RNF207: variants seen among roughly 807,000 people sequenced by gnomAD.
RNF207 encodes the protein ring finger protein 207, also known as OTTHUMG00000001089.
RNF207 carries 72 observed loss-of-function variants against 79.0 expected under a neutral mutation model. That is an observed-to-expected ratio of 0.91 (90% CI 0.75 to 1.11). The LOEUF is 1.11. Among genes scored for constraint, RNF207 ranks in the 50% least tolerant of loss-of-function variants. The pLI, the probability that RNF207 is intolerant of heterozygous loss-of-function variation, is 0.00. For missense variants in RNF207, 936 were observed against 855.8 expected (o/e 1.09, Z -1.17); for synonymous variants, 348 against 366.2 (o/e 0.95, Z 0.57).
rs772133758 is a variant in RNF207 at position 6,210,457 on chromosome 1, T to C, written c.942+19T>C. The C allele has an allele frequency of 2.5e-6, 4 of 1,597,976 alleles. No homozygotes were observed. The East Asian group carries it at 6.7e-5, about 27-fold the overall frequency. ...GGGCTATGTGAGTCTCCTCTGCTCC[T>C]GCAGATGCCCCCTCCCCACCAGGAG... On this transcript the variant is annotated intron_variant, in intron 10 of 17. Transcript: ENST00000377939.
Position 6,207,096 on chromosome 1 carries a change from T to C in RNF207, c.192-283T>C, listed in dbSNP as rs1447404729. Among the ~76,000 whole-genome samples the C allele has an allele frequency of 6.6e-6, 1 of 152,028 alleles. No individual in the cohort carries two copies. The highest frequency in any genetic ancestry group is 1.9e-4 in the East Asian group (1 of 5,178). The stretch of plus-strand genomic sequence containing the variant: ...TATGTGGGCTCAAGGAACCCAGGAG[T>C]GGCTCTGATTTGCCCAATGCCGTGA... On this transcript the variant is annotated intron_variant, in intron 2 of 17. Coordinates refer to ENST00000377939, the MANE Select transcript of RNF207 (RefSeq NM_207396.3). This position sits in a 1 kb window ranked among gnomAD's most constrained non-coding sequence, Gnocchi z 4.5.
Position 6,219,443 on chromosome 1 carries a change from G to A in RNF207, c.*36G>A. The A allele has an allele frequency of 1.3e-6, 2 of 1,502,344 alleles. No homozygotes were observed. Among genetic ancestry groups the A allele is most frequent in the Non-Finnish European group, 1.8e-6 (2 of 1,102,154 alleles). 93.1% of individuals were successfully genotyped at this position (1,502,344 alleles called of 1,614,324 possible). ...CGGTCCCCAGGGTCAGGCTCTTAGAGCAGGCACAAGACTGGGACACTGGAC... is the reference window on the plus strand; with the variant it reads ...CGGTCCCCAGGGTCAGGCTCTTAGAACAGGCACAAGACTGGGACACTGGAC... On this transcript the variant is annotated 3_prime_UTR_variant, in exon 18 of 18. Transcript: ENST00000377939.
In RNF207 at chr1:6,211,035, C is replaced by A. The variant is rs765976590; in HGVS notation, c.1026C>A (p.His342Gln). The A allele has an allele frequency of 3.7e-6, 6 of 1,609,686 alleles. No homozygotes were observed. Among genetic ancestry groups the A allele is most frequent in the Non-Finnish European group, 5.1e-6 (6 of 1,179,020 alleles). Residue 342 changes from histidine (H) to glutamine (Q), a missense_variant, in exon 12 of 18, where the codon CAC becomes CAA. By Grantham distance (24) the His-to-Gln change is conservative. Transcript: ENST00000377939. The surrounding 1 kb of genome is among the most constrained non-coding windows in gnomAD (Gnocchi z 4.2). ...CCGCTGCCCAGATTGCCAGTGACCA[C>A]CGAGCTGAATTCGCGCGCTGTCTGG... Reference protein sequence around the residue: ...PIQSSKIASDHRAEFARCLEP... With the variant: ...PIQSSKIASDQRAEFARCLEP...
Position 6,218,195 on chromosome 1 carries a change from T to C in RNF207, c.1653-94T>C, listed in dbSNP as rs1668425256. ...ATGAAACGCTAGGTGGGTGCATGAG[T>C]GGTGGCAGAGTCTGGTTCTGAGGTT... On this transcript the variant is annotated intron_variant, in intron 16 of 17. Coordinates refer to ENST00000377939, the MANE Select transcript of RNF207 (RefSeq NM_207396.3). The C allele has an allele frequency of 2.8e-5, 22 of 796,634 alleles. 1 individual carries two copies. The highest frequency in any genetic ancestry group is 5.1e-4 in the Middle Eastern group (2 of 3,890). 49.3% of individuals were successfully genotyped at this position (796,634 alleles called of 1,614,324 possible).
At position 6,217,793 on chromosome 1, in the gene RNF207, G is replaced by A. The variant is rs919192750; in HGVS notation, c.1653-496G>A. Among the ~76,000 whole-genome samples the A allele has an allele frequency of 1.3e-5, 2 of 152,236 alleles. 1 individual carries two copies. Among genetic ancestry groups the A allele is most frequent in the South Asian group, 4.2e-4 (2 of 4,810 alleles). On this transcript the variant is annotated intron_variant, in intron 16 of 17. Transcript: ENST00000377939. This position sits in a 1 kb window ranked among gnomAD's most constrained non-coding sequence, Gnocchi z 4.2. ...AGAAGTCTATGATTCCCATCACCGC[G>A]GGGCTGGACAGCTCTCTTGGGGACC... is the stretch of plus-strand genomic sequence containing the variant.
At position 6,210,229 on chromosome 1, in the gene RNF207, C is replaced by T. The variant is rs1270922702; in HGVS notation, c.807C>T (p.Tyr269=). The T allele has an allele frequency of 8.7e-6, 14 of 1,613,550 alleles. No homozygotes were observed. The highest frequency in any genetic ancestry group is 1.1e-5 in the Non-Finnish European group (13 of 1,179,720). ...GGCAGCCCCCCTCCCCCAGCCAATA[C>T]GAAGAGAAGGACAAGGCCTTCAAGG... ...ALLLQAVQSQ[Y]EEKDKAFKEQ... The change falls in exon 9 of 18, where the codon TAC becomes TAT. Residue 269 remains tyrosine, a synonymous_variant. Coordinates refer to ENST00000377939, the MANE Select transcript of RNF207 (RefSeq NM_207396.3).
rs552026470 is a variant in RNF207, at chr1:6,206,864, G to T, written c.191+138G>T. ...AGAACGACTGGGAGATACTGCACCC[G>T]GTCCTTAGCTCTCCCCGCCAGAAGT... is the stretch of plus-strand genomic sequence containing the variant. On this transcript the variant is annotated intron_variant, in intron 2 of 17. Transcript: ENST00000377939. The T allele has an allele frequency of 5.2e-4, 348 of 669,446 alleles. 1 individual carries two copies. In the African/African-American group the frequency reaches 5.4e-3, roughly 10 times the overall value. The allele number at this position is 669,446 out of a possible 1,614,324, so 41.5% of individuals were successfully genotyped here.
rs574811541 is a variant in RNF207 at position 6,217,519 on chromosome 1, C to T, written c.1653-770C>T. On this transcript the variant is annotated intron_variant, in intron 16 of 17. Coordinates refer to ENST00000377939, the MANE Select transcript of RNF207 (RefSeq NM_207396.3). The surrounding 1 kb of genome is among the most constrained non-coding windows in gnomAD (Gnocchi z 4.2). The stretch of plus-strand genomic sequence containing the variant: ...GTTCAGCAGTGGCCAGAATGCTTGA[C>T]GTCCTCCCGCAGACATGCTATTCCC... Among the ~76,000 whole-genome samples, 1 of 152,324 alleles carries T rather than the reference C, an allele frequency of 6.6e-6. No homozygotes were observed. The highest frequency in any genetic ancestry group is 1.9e-4 in the East Asian group (1 of 5,190).
chr1:6,214,609 G>T (rs1668295425), intron 16 of RNF207, among the ~76,000 whole-genome samples: 1 of 144,142 alleles, frequency 6.9e-6, no homozygotes, highest in African/African-American at 2.7e-5. Context: ...TGCCAAGTTG[G>T]CCAGGCTGGA....
In RNF207 at chr1:6,212,078, G is replaced by GT. The variant is rs754705609; in HGVS notation, c.1296+25_1296+26insT. ...GGTGAGGGGGCAGGGATCTGCCGGA[G>GT]GGGGGAGATGTCCTAACCCACTCCT... is the stretch of plus-strand genomic sequence containing the variant. On this transcript the variant is annotated intron_variant, in intron 13 of 17. Coordinates refer to ENST00000377939, the MANE Select transcript of RNF207 (RefSeq NM_207396.3). 4.8e-5 allele frequency: 75 copies of GT among 1,547,498 alleles called. 3 individuals are homozygous for GT. In the South Asian group the frequency reaches 7.1e-4, roughly 15 times the overall value.
intron 16 of RNF207, 103 bp from the exon 17 acceptor site, chr1:6,218,186 G>A: frequency 1.3e-6 from 1 of 749,686 alleles, no homozygotes; most frequent in Non-Finnish European, 2.3e-6. Flanking sequence ...CGCTAGGTGG[G>A]TGCATGAGTG....
At position 6,209,931 on chromosome 1, in the gene RNF207, T is replaced by C. The variant is rs1401266943; in HGVS notation, c.761T>C (p.Leu254Pro). The C allele has an allele frequency of 6.3e-7, 1 of 1,591,312 alleles. No homozygotes were observed. The highest frequency in any genetic ancestry group is 2.2e-5 in the East Asian group (1 of 44,574). ...HALFGSMQDR[L>P]AERKALLLQA... ...GCTCGCCATCTCTCCCAGGACAGGC[T>C]GGCAGAGAGGAAAGCGCTGCTGCTG... Residue 254 changes from leucine to proline, a missense_variant, in exon 8 of 18, where the codon CTG becomes CCG. By Grantham distance (98) the Leu-to-Pro change is moderately conservative. Coordinates refer to ENST00000377939, the MANE Select transcript of RNF207 (RefSeq NM_207396.3).
intron 1 of RNF207, 84 bp from the exon 2 acceptor site, chr1:6,206,452 C>G (rs1667902862): frequency 1.9e-6 from 2 of 1,033,170 alleles, no homozygotes; most frequent in Non-Finnish European, 1.4e-6. Flanking sequence ...ATAGGGAGGG[C>G]GCGGGCGCCC....
rs1668387733 is a variant in RNF207, at chr1:6,217,132, A to G, written c.1653-1157A>G. 6.6e-6 allele frequency among the ~76,000 whole-genome samples: 1 copy of G among 152,112 alleles called. No homozygotes were observed. Among genetic ancestry groups the G allele is most frequent in the South Asian group, 2.1e-4 (1 of 4,826 alleles). ...GATCCTCCCACCTCAGCCTTCCAAA[A>G]TGCTGGGATTATAGACGTGACCGTG... On this transcript the variant is annotated intron_variant, in intron 16 of 17. Coordinates refer to ENST00000377939, the MANE Select transcript of RNF207 (RefSeq NM_207396.3). The surrounding 1 kb of genome is among the most constrained non-coding windows in gnomAD (Gnocchi z 4.2).
In RNF207 at chr1:6,206,622, C is replaced by CG; in HGVS notation, c.88dup (p.Val30GlyfsTer73). The CG allele has an allele frequency of 6.2e-7, 1 of 1,607,754 alleles. No homozygotes were observed. On this transcript the variant is annotated frameshift_variant, in exon 2 of 18. Coordinates refer to ENST00000377939, the MANE Select transcript of RNF207 (RefSeq NM_207396.3). LOFTEE classifies it high-confidence loss of function. ...ACCCGCTGGTGTGCCCGCTGTGCCA[C>CG]GTGCAGTACGAGCGCCCGTGTCTTC... is the stretch of plus-strand genomic sequence containing the variant.
At position 6,220,943 on chromosome 1, in the gene RNF207, C is replaced by T. The variant is rs1668528830; in HGVS notation, c.*1536C>T. ...ATGGCAGCACATTCAACACATAACA[C>T]ATCACTCACATTGACGTCCACTGTC... On this transcript the variant is annotated 3_prime_UTR_variant, in exon 18 of 18. Transcript: ENST00000377939. The T allele has an allele frequency of 6.6e-6, 1 of 152,234 alleles. No homozygotes were observed. Among genetic ancestry groups the T allele is most frequent in the African/African-American group, 2.4e-5 (1 of 41,448 alleles). The allele number at this position is 152,234 out of a possible 1,614,324, so 9.4% of individuals were successfully genotyped here.
Position 6,214,250 on chromosome 1 carries a change from C to T in RNF207, c.1652+1067C>T, listed in dbSNP as rs529003527. On this transcript the variant is annotated intron_variant, in intron 16 of 17. Transcript: ENST00000377939. ...AGACTCCTAACCCTTGTAATGCGAC[C>T]TACTAATTCTCTGTGGAAGCTTGTA... Among the ~76,000 whole-genome samples, 23 of 152,256 alleles carry T rather than the reference C, an allele frequency of 1.5e-4. 1 individual carries two copies. Among genetic ancestry groups the T allele is most frequent in the African/African-American group, 5.5e-4 (23 of 41,540 alleles).
At position 6,207,454 on chromosome 1, in the gene RNF207, A is replaced by G. The variant is rs1221039861; in HGVS notation, c.267A>G (p.Ser89=). 3 of 1,571,084 alleles carry G rather than the reference A, an allele frequency of 1.9e-6. No homozygotes were observed. Among genetic ancestry groups the G allele is most frequent in the African/African-American group, 1.3e-5 (1 of 74,312 alleles). ...TGCTGCAGTTCCTGGTGGACAGCTC[A>G]GGGGATGGCGTGGAGGCGGTGCGCT... ...DRLLQFLVDS[S]GDGVEAVRCA... Residue 89 remains serine (S), a synonymous_variant, in exon 3 of 18, where the codon TCA becomes TCG. Coordinates refer to ENST00000377939, the MANE Select transcript of RNF207 (RefSeq NM_207396.3). The surrounding 1 kb of genome is among the most constrained non-coding windows in gnomAD (Gnocchi z 4.5).
chr1:6,210,197 G>A lies in RNF207; in HGVS notation c.801-26G>A, dbSNP rs201640092. On this transcript the variant is annotated intron_variant, in intron 8 of 17. Coordinates refer to ENST00000377939, the MANE Select transcript of RNF207 (RefSeq NM_207396.3). ...GCCCGGCCCTGCTCCTGGCCCCCTGGAAACCAGGCAGCCCCCCTCCCCCAG... is the reference window on the plus strand; with the variant it reads ...GCCCGGCCCTGCTCCTGGCCCCCTGAAAACCAGGCAGCCCCCCTCCCCCAG... 1.0e-4 allele frequency: 162 copies of A among 1,604,170 alleles called. 2 individuals are homozygous for A. In the Middle Eastern group the frequency reaches 1.8e-3, roughly 18 times the overall value.
Sources: allele counts gnomAD v4.1 joint callset (sites outside exome capture counted in the v4.1 genomes callset), GRCh38; gene constraint gnomAD v4.1.1; non-coding constraint Gnocchi (gnomAD v3.1); transcripts MANE v1.5; gene names NCBI Gene and HGNC (gene_info 2026-07-23, HGNC 2026-07-21).